The following RGS13 variants were observed in gnomAD, a reference collection of about 807,000 sequenced individuals.
RGS13 encodes regulator of G protein signaling 13, also known as regulator of G-protein signalling 13.
In RGS13, 14 loss-of-function variants were observed where a neutral mutation model predicts 19.9. That is an observed-to-expected ratio of 0.70 (90% CI 0.46 to 1.10). The LOEUF (loss-of-function observed/expected upper bound fraction) is 1.10, where lower values mean the gene tolerates loss of function less well. RGS13 is among the 50% of genes least tolerant of loss of function. The pLI, the probability that RGS13 is intolerant of heterozygous loss-of-function variation, is 0.00. For missense variants in RGS13, 205 were observed against 187.1 expected (o/e 1.10, Z -0.56); for synonymous variants, 60 against 56.8 (o/e 1.06, Z -0.25).
At chr1:192,642,619 G>A (rs1663144838) in intron 3 of RGS13, among the ~76,000 whole-genome samples, 2 of 151,972 alleles carry the variant, frequency 1.3e-5, no homozygotes, top group Admixed American at 1.3e-4. Context: ...GAGCCACAGT[G>A]CTGAGCCTAA....
intron 5 of RGS13, among the ~76,000 whole-genome samples, chr1:192,656,771 C>T (rs7544449): frequency 0.026 from 3,922 of 152,090 alleles, 72 homozygotes; most frequent in Admixed American, 0.038. Flanking sequence ...GTTTCCCCAA[C>T]TCCAATGCCT....
At chr1:192,646,714 A>G (rs1558050820) in intron 4 of RGS13, 1 of 152,034 alleles carries the variant, frequency 6.6e-6, no homozygotes, top group Non-Finnish European at 1.5e-5. Context: ...ATATGTTCTC[A>G]TCATTCAGTT....
chr1:192,650,007 A>G (rs1280086888), intron 5 of RGS13, among the ~76,000 whole-genome samples: 1 of 152,104 alleles, frequency 6.6e-6, no homozygotes, highest in Non-Finnish European at 1.5e-5. Flanking sequence ...CTTTGTACCC[A>G]ATGAGCATGC....
chr1:192,655,253 T>C (rs1663414191), intron 5 of RGS13, among the ~76,000 whole-genome samples: 1 of 152,134 alleles, frequency 6.6e-6, no homozygotes, highest in East Asian at 1.9e-4. Context: ...GCCAATCACA[T>C]GAGTCCGCTC....
chr1:192,638,783 C>T (rs1402785760), intron 3 of RGS13, among the ~76,000 whole-genome samples: 1 of 152,084 alleles, frequency 6.6e-6, no homozygotes, highest in Non-Finnish European at 1.5e-5. Flanking sequence ...ACAATTCTGT[C>T]ACTAAATATT....
intron 5 of RGS13, among the ~76,000 whole-genome samples, chr1:192,657,792 A>G (rs1663469353): frequency 6.6e-6 from 1 of 152,082 alleles, no homozygotes; most frequent in Non-Finnish European, 1.5e-5. Context: ...ACAAGTTTAC[A>G]TTCAAAACCC....
chr1:192,648,947 G>A (rs1425276616), intron 5 of RGS13, among the ~76,000 whole-genome samples: 2 of 152,034 alleles, frequency 1.3e-5, no homozygotes, highest in Admixed American at 1.3e-4. Context: ...CTTTAGTATG[G>A]ACTCAGTTGT....
At chr1:192,641,877 G>T (rs916537200) in intron 3 of RGS13, among the ~76,000 whole-genome samples, 1 of 151,952 alleles carries the variant, frequency 6.6e-6, no homozygotes, top group Non-Finnish European at 1.5e-5. Flanking sequence ...GTTCTCTTCT[G>T]TCTCACCTTA....
intron 4 of RGS13, chr1:192,646,182 T>C (rs1376478413): frequency 2.0e-5 from 3 of 152,292 alleles, no homozygotes; most frequent in East Asian, 1.9e-4. Context: ...CATCCAAAAC[T>C]GGCAGGATCC....
intron 4 of RGS13, chr1:192,647,716 A>G (rs975042097): frequency 4.2e-6 from 1 of 239,632 alleles, no homozygotes; most frequent in Non-Finnish European, 7.9e-6. Flanking sequence ...TCAAGTCTAC[A>G]CTATTTGCAC....
rs202070918 is a variant in RGS13, at chr1:192,647,999, G to A, written c.127+12G>A. On this transcript the variant is annotated intron_variant, in intron 5 of 6. Transcript: ENST00000391995. ...AATGGCTACAAAATGTGAGTATTGC[G>A]TATCTGTCATCTTTGAATAACTAGC... 240 of 1,563,452 alleles carry A rather than the reference G, an allele frequency of 1.5e-4. 1 individual carries two copies. In the Admixed American group the frequency reaches 1.9e-3, roughly 13 times the overall value.
chr1:192,653,669 G>A (rs1407028560), intron 5 of RGS13, among the ~76,000 whole-genome samples: 1 of 151,962 alleles, frequency 6.6e-6, no homozygotes, highest in Non-Finnish European at 1.5e-5. Flanking sequence ...TTCCCTATGT[G>A]CTATTAACTA....
At chr1:192,641,630 T>C (rs1401044716) in intron 3 of RGS13, among the ~76,000 whole-genome samples, 1 of 152,192 alleles carries the variant, frequency 6.6e-6, no homozygotes, top group African/African-American at 2.4e-5. Context: ...TCTTTCCTTT[T>C]TGATAAACTC....
chr1:192,644,632 GA>G (rs2102031509), intron 4 of RGS13: 1 of 423,752 alleles, frequency 2.4e-6, no homozygotes, highest in Non-Finnish European at 4.2e-6. Flanking sequence ...AATCTATTAT[GA>G]ATAGTCTCTG....
At chr1:192,643,532 C>A (rs1167397169) in intron 3 of RGS13, among the ~76,000 whole-genome samples, 1 of 151,622 alleles carries the variant, frequency 6.6e-6, no homozygotes, top group Non-Finnish European at 1.5e-5. Flanking sequence ...TAGATAAAAC[C>A]AGATAAGCAG....
At chr1:192,652,970 T>C (rs962569578) in intron 5 of RGS13, among the ~76,000 whole-genome samples, 1 of 151,980 alleles carries the variant, frequency 6.6e-6, no homozygotes, top group Non-Finnish European at 1.5e-5. Flanking sequence ...AAATAATAGA[T>C]TTTTGCTTTA....
intron 6 of RGS13, 130 bp from the exon 7 acceptor site, chr1:192,659,207 TA>T: frequency 1.8e-6 from 1 of 569,210 alleles, no homozygotes; most frequent in Non-Finnish European, 3.0e-6. Flanking sequence ...CTTAGATGCC[TA>T]TAAAACTACA....
Position 192,658,200 on chromosome 1 carries a change from G to T in RGS13, c.128-1G>T. On this transcript the variant is annotated splice_acceptor_variant, in intron 5 of 6. Coordinates refer to ENST00000391995, the MANE Select transcript of RGS13 (RefSeq NM_002927.5). LOFTEE classifies it high-confidence loss of function. ...TAAACTGATTTCTCCTCTACTTTTA[G>T]ATGGTCCAGTAGTCTATGCAGCATA... 1 of 1,591,290 alleles carries T rather than the reference G, an allele frequency of 6.3e-7. No homozygotes were observed.
chr1:192,653,958 G>T (rs573177572), intron 5 of RGS13, among the ~76,000 whole-genome samples: 5 of 151,836 alleles, frequency 3.3e-5, no homozygotes, highest in African/African-American at 9.7e-5. Flanking sequence ...GTCATGGGGT[G>T]GGGGGAGCGG....
Sources: allele counts gnomAD v4.1 joint callset (sites outside exome capture counted in the v4.1 genomes callset), GRCh38; gene constraint gnomAD v4.1.1; transcripts MANE v1.5; gene names NCBI Gene and HGNC (gene_info 2026-07-23, HGNC 2026-07-21).